Variants in PLEKHM3 observed in about 807,000 individuals in gnomAD.
PLEKHM3 encodes the protein pleckstrin homology domain containing M3.
In PLEKHM3, 45 loss-of-function variants were observed where a neutral mutation model predicts 81.8. That is an observed-to-expected ratio of 0.55 (90% CI 0.43 to 0.71). The LOEUF is 0.71. PLEKHM3 is among the 30% of genes least tolerant of loss of function. The probability of loss-of-function intolerance (pLI) is 0.00; values close to 1 mark genes in which losing one functional copy is unlikely to be tolerated. For missense variants in PLEKHM3, 788 were observed against 924.3 expected (o/e 0.85, Z 1.91); for synonymous variants, 352 against 356.4 (o/e 0.99, Z 0.14).
intron 1 of PLEKHM3, among the ~76,000 whole-genome samples, chr2:208,024,539 C>T (rs1693253356): frequency 6.6e-6 from 1 of 152,160 alleles, no homozygotes; most frequent in South Asian, 2.1e-4. Context: ...TTTGTTAAGG[C>T]ATTTTCTTGA....
intron 7 of PLEKHM3, among the ~76,000 whole-genome samples, chr2:207,836,318 TAA>T (rs34489704): frequency 0.013 from 1,717 of 131,800 alleles, 40 homozygotes; most frequent in African/African-American, 0.04. Context: ...AGAGAGAGTC[TAA>T]AAAAAAAAAA....
chr2:207,847,425 C>A (rs1200295432), intron 7 of PLEKHM3, among the ~76,000 whole-genome samples: 4 of 152,240 alleles, frequency 2.6e-5, no homozygotes, highest in African/African-American at 9.6e-5. Context: ...GTCATTGACA[C>A]AATAAACACA....
At chr2:207,889,984 T>C (rs1688006212) in intron 6 of PLEKHM3, among the ~76,000 whole-genome samples, 1 of 152,134 alleles carries the variant, frequency 6.6e-6, no homozygotes, top group Admixed American at 6.5e-5. Flanking sequence ...TTTGTATTTT[T>C]AGTAGAGACG....
At chr2:207,866,547 G>C (rs988083596) in intron 6 of PLEKHM3, among the ~76,000 whole-genome samples, 2 of 152,208 alleles carry the variant, frequency 1.3e-5, no homozygotes, top group African/African-American at 4.8e-5. Flanking sequence ...TCAATGTAGA[G>C]TGAACTGGAC....
intron 3 of PLEKHM3, among the ~76,000 whole-genome samples, chr2:207,947,736 A>T (rs533952956): frequency 1.3e-5 from 2 of 152,174 alleles, no homozygotes; most frequent in African/African-American, 4.8e-5. Flanking sequence ...AACTACGACA[A>T]CTACTACTAG....
intron 6 of PLEKHM3, among the ~76,000 whole-genome samples, chr2:207,865,706 G>C (rs1408781662): frequency 6.9e-6 from 1 of 144,452 alleles, no homozygotes; most frequent in Non-Finnish European, 1.5e-5. Context: ...CTTGAACCCA[G>C]GAGGCAGAGG....
intron 4 of PLEKHM3, among the ~76,000 whole-genome samples, chr2:207,940,608 A>T (rs1689907591): frequency 6.6e-6 from 1 of 152,196 alleles, no homozygotes; most frequent in Non-Finnish European, 1.5e-5. Flanking sequence ...TGCCCCAACA[A>T]ATCAAGCACC....
At chr2:207,896,387 A>G (rs1293985549) in intron 6 of PLEKHM3, among the ~76,000 whole-genome samples, 1 of 152,122 alleles carries the variant, frequency 6.6e-6, no homozygotes, top group Admixed American at 6.5e-5. Flanking sequence ...TACATCTTTA[A>G]CAGAGGTTAA....
rs61384566 is a variant in PLEKHM3, at chr2:207,880,762, C to CAAAAAAAAAAAAAAAAAA, written c.1951-19518_1951-19501dup. On this transcript the variant is annotated intron_variant, in intron 6 of 7. Coordinates refer to ENST00000427836, the MANE Select transcript of PLEKHM3 (RefSeq NM_001080475.3). Reference sequence around the variant, plus strand: ...TGGGAGACACAGCGAGACTCTGTCTCAAAAAAAAAAAAAAAAAAAAAAAAA... The same window carrying CAAAAAAAAAAAAAAAAAA: ...TGGGAGACACAGCGAGACTCTGTCTCAAAAAAAAAAAAAAAAAAAAAAAAAAAAAAAAAAAAAAAAAAA... Among the ~76,000 whole-genome samples, 25 of 6,962 alleles carry CAAAAAAAAAAAAAAAAAA rather than the reference C, an allele frequency of 3.6e-3. 4 individuals are homozygous for CAAAAAAAAAAAAAAAAAA. The highest frequency in any genetic ancestry group is 7.1e-3 in the Non-Finnish European group (19 of 2,686). 4.6% of individuals were successfully genotyped at this position (6,962 alleles called of 152,430 possible).
intron 6 of PLEKHM3, among the ~76,000 whole-genome samples, chr2:207,887,690 C>T (rs1024754273): frequency 3.9e-5 from 6 of 152,122 alleles, no homozygotes; most frequent in African/African-American, 1.2e-4. Flanking sequence ...ATTAGTTGGT[C>T]CTGAACAAAA....
chr2:208,016,571 C>T (rs188134955), intron 1 of PLEKHM3, among the ~76,000 whole-genome samples: 3 of 149,536 alleles, frequency 2.0e-5, no homozygotes, highest in South Asian at 2.1e-4. Flanking sequence ...ACTGCTGGAG[C>T]CTTGGGAGGC....
At chr2:207,914,498 C>CA (rs533478221) in intron 5 of PLEKHM3, among the ~76,000 whole-genome samples, 7,877 of 133,120 alleles carry the variant, frequency 0.059, 714 homozygotes, top group African/African-American at 0.2. Context: ...AACTCCGTCT[C>CA]AAAAAAAAAA....
At position 207,861,266 on chromosome 2, in the gene PLEKHM3, C is replaced by T. The variant is rs1357016659; in HGVS notation, c.1951-4G>A. The T allele has an allele frequency of 6.2e-7, 1 of 1,613,490 alleles. No individual in the cohort carries two copies. The highest frequency in any genetic ancestry group is 1.1e-5 in the South Asian group (1 of 90,984). ...GAGCCAGCTTTCCCTCTATTACCTG[C>T]AGAAAGAGAAATGGGACAGGGAAGC... On this transcript the variant is annotated splice_region_variant and splice_polypyrimidine_tract_variant and intron_variant, in intron 6 of 7. Transcript: ENST00000427836.
chr2:207,937,373 C>G (rs1233559199), intron 4 of PLEKHM3, among the ~76,000 whole-genome samples: 1 of 152,132 alleles, frequency 6.6e-6, no homozygotes, highest in Non-Finnish European at 1.5e-5. Context: ...TGAGACCAGC[C>G]TGGGCAACAT....
At chr2:207,850,005 G>A (rs76202937) in intron 7 of PLEKHM3, among the ~76,000 whole-genome samples, 1 of 152,164 alleles carries the variant, frequency 6.6e-6, no homozygotes, top group Non-Finnish European at 1.5e-5. Context: ...TCAGCTTTTG[G>A]TGATGCCTCG....
At position 207,843,907 on chromosome 2, in the gene PLEKHM3, T is replaced by A. The variant is rs963437791; in HGVS notation, c.2109-15411A>T. Among the ~76,000 whole-genome samples the A allele has an allele frequency of 6.6e-6, 1 of 151,916 alleles. No individual in the cohort carries two copies. Among genetic ancestry groups the A allele is most frequent in the East Asian group, 1.9e-4 (1 of 5,178 alleles). On this transcript the variant is annotated intron_variant, in intron 7 of 7. Coordinates refer to ENST00000427836, the MANE Select transcript of PLEKHM3 (RefSeq NM_001080475.3). This position sits in a 1 kb window ranked among gnomAD's most constrained non-coding sequence, Gnocchi z 4.4. ...GAGCTGGAGACCAGTCTGAGCAACA[T>A]ATTGAGATCTTGTCTCCACAGATAA... is the stretch of plus-strand genomic sequence containing the variant.
At chr2:207,880,474 A>G (rs1383203970) in intron 6 of PLEKHM3, among the ~76,000 whole-genome samples, 1 of 151,650 alleles carries the variant, frequency 6.6e-6, no homozygotes, top group Non-Finnish European at 1.5e-5. Flanking sequence ...TCACAAATAA[A>G]AAATAGAGGC....
chr2:207,948,094 A>G (rs190967268), intron 3 of PLEKHM3, among the ~76,000 whole-genome samples: 1 of 152,172 alleles, frequency 6.6e-6, no homozygotes, highest in Non-Finnish European at 1.5e-5. Context: ...AAAAAAAATC[A>G]TAACAAGCTC....
intron 1 of PLEKHM3, among the ~76,000 whole-genome samples, chr2:208,024,357 A>G (rs1693241143): frequency 6.6e-6 from 1 of 152,138 alleles, no homozygotes; most frequent in African/African-American, 2.4e-5. Context: ...TGACATTGTA[A>G]AAATATTCAT....
Sources: gnomAD v4.1 joint callset for allele counts (sites outside exome capture counted in the v4.1 genomes callset) on GRCh38, gnomAD v4.1.1 for gene constraint, Gnocchi (gnomAD v3.1) non-coding constraint, MANE v1.5 for transcripts, NCBI Gene and HGNC (gene_info 2026-07-23, HGNC 2026-07-21) for gene names.